STAC: variants seen among roughly 807,000 people sequenced by gnomAD.
The protein encoded by STAC is SH3 and cysteine-rich domain-containing protein.
STAC carries 43 observed loss-of-function variants against 48.8 expected under a neutral mutation model. The ratio of observed to expected loss-of-function variants is 0.88; its 90% CI spans 0.69 to 1.14. The LOEUF (loss-of-function observed/expected upper bound fraction) is 1.14, where lower values mean the gene tolerates loss of function less well. STAC is among the 50% of genes most tolerant of loss of function. STAC has a pLI of 0.00. For synonymous variants in STAC, 193 were observed against 179.5 expected (o/e 1.07, Z -0.60); for missense variants, 497 against 504.0 (o/e 0.99, Z 0.13).
intron 4 of STAC, 126 bp from the exon 5 acceptor site, chr3:36,486,008 C>A (rs1434670955): frequency 7.3e-6 from 5 of 681,146 alleles, no homozygotes; most frequent in East Asian, 5.3e-5. Flanking sequence ...GCCCTGTCTA[C>A]CCAGAGGCTA....
At chr3:36,529,948 C>A (rs905557107) in intron 10 of STAC, among the ~76,000 whole-genome samples, 1 of 152,118 alleles carries the variant, frequency 6.6e-6, no homozygotes, top group Non-Finnish European at 1.5e-5. Context: ...AATGAAACCC[C>A]ATCTCTACTA....
At chr3:36,404,503 C>T (rs566798720) in intron 1 of STAC, among the ~76,000 whole-genome samples, 1 of 152,250 alleles carries the variant, frequency 6.6e-6, no homozygotes, top group South Asian at 2.1e-4. Context: ...TCATATTATG[C>T]TCATGTATAT....
intron 1 of STAC, among the ~76,000 whole-genome samples, chr3:36,432,882 G>A (rs1452244180): frequency 2.6e-5 from 4 of 152,168 alleles, no homozygotes; most frequent in African/African-American, 7.2e-5. Context: ...GCCTCATAGG[G>A]TTAGCTTGAC....
At position 36,463,270 on chromosome 3, in the gene STAC, A is replaced by G. The variant is rs114541441; in HGVS notation, c.388+19630A>G. ...ATTCTTACAATTGTGTAGACAAGGT[A>G]CCTTTTGGCAGGGGTTCCTGAAATA... is the stretch of plus-strand genomic sequence containing the variant. On this transcript the variant is annotated intron_variant, in intron 2 of 10. Coordinates refer to ENST00000273183, the MANE Select transcript of STAC (RefSeq NM_003149.3). 7.5e-3 allele frequency among the ~76,000 whole-genome samples: 1,142 copies of G among 152,108 alleles called. 8 individuals carry two copies. Among genetic ancestry groups the G allele is most frequent in the Non-Finnish European group, 0.012 (814 of 67,978 alleles).
intron 1 of STAC, among the ~76,000 whole-genome samples, chr3:36,416,891 T>C (rs1296248049): frequency 6.6e-6 from 1 of 152,216 alleles, no homozygotes; most frequent in African/African-American, 2.4e-5. Flanking sequence ...AGAGCAGGCT[T>C]CCTCTGGTAC....
In STAC at chr3:36,436,498, C is replaced by T. The variant is rs1231750732; in HGVS notation, c.112-6866C>T. ...CCCCATCGTTCTTAACCAGACGCAC[C>T]GACCTCCCAGTGCTTCTCAGATACC... On this transcript the variant is annotated intron_variant, in intron 1 of 10. Coordinates refer to ENST00000273183, the MANE Select transcript of STAC (RefSeq NM_003149.3). 5.9e-5 allele frequency among the ~76,000 whole-genome samples: 9 copies of T among 152,278 alleles called. No homozygotes were observed. In the East Asian group the frequency reaches 7.7e-4, roughly 13 times the overall value.
At chr3:36,501,883 C>T (rs1227998624) in intron 6 of STAC, among the ~76,000 whole-genome samples, 2 of 152,254 alleles carry the variant, frequency 1.3e-5, no homozygotes, top group East Asian at 3.9e-4. Flanking sequence ...GCCAGTCTTT[C>T]TCTTGAATAC....
intron 10 of STAC, among the ~76,000 whole-genome samples, chr3:36,529,996 T>C (rs1559527234): frequency 1.3e-5 from 2 of 152,272 alleles, no homozygotes; most frequent in East Asian, 3.9e-4. Context: ...GGCACACATC[T>C]GTAATCCCAG....
At chr3:36,510,951 T>C (rs911038970) in intron 8 of STAC, among the ~76,000 whole-genome samples, 3 of 151,394 alleles carry the variant, frequency 2.0e-5, no homozygotes, top group Non-Finnish European at 4.4e-5. Flanking sequence ...GAACTTAAAG[T>C]ATAATTAAAA....
chr3:36,483,163 C>A, intron 3 of STAC, 71 bp downstream of exon 3: 1 of 1,208,006 alleles, frequency 8.3e-7, no homozygotes. Flanking sequence ...GTGAGATCAC[C>A]CCCTCCAAAA....
At chr3:36,488,631 C>G (rs1482952841) in intron 5 of STAC, among the ~76,000 whole-genome samples, 1 of 149,498 alleles carries the variant, frequency 6.7e-6, no homozygotes, top group Non-Finnish European at 1.5e-5. Flanking sequence ...TATTGCAAAT[C>G]AGCAGATTCA....
At chr3:36,536,459 A>C (rs1178647321) in intron 10 of STAC, among the ~76,000 whole-genome samples, 1 of 152,094 alleles carries the variant, frequency 6.6e-6, no homozygotes, top group Non-Finnish European at 1.5e-5. Flanking sequence ...ACAACCATCT[A>C]ATCTTTGACA....
chr3:36,500,381 T>G (rs533142386), intron 6 of STAC, among the ~76,000 whole-genome samples: 2 of 152,072 alleles, frequency 1.3e-5, no homozygotes, highest in Admixed American at 6.5e-5. Flanking sequence ...CACTTATAAG[T>G]AGGAGCTGAA....
At position 36,531,789 on chromosome 3, in the gene STAC, A is replaced by T. The variant is rs116937708; in HGVS notation, c.1110+2804A>T. ...AGAAACCCCTGGCACCTGTGGTGCA[A>T]TTAGATCTTCTGCCTTTGGAGAAGT... On this transcript the variant is annotated intron_variant, in intron 10 of 10. Transcript: ENST00000273183. Among the ~76,000 whole-genome samples, 16 of 152,306 alleles carry T rather than the reference A, an allele frequency of 1.1e-4. No homozygotes were observed. The East Asian group carries it at 3.1e-3, about 29-fold the overall frequency.
chr3:36,517,103 T>G lies in STAC; in HGVS notation c.920+11269T>G, dbSNP rs557159748. On this transcript the variant is annotated intron_variant, in intron 8 of 10. Transcript: ENST00000273183. ...GAGCTATAATATGAAATTTTATCAC[T>G]GATACCCAAGCTGTGATGCCATCAT... is the stretch of plus-strand genomic sequence containing the variant. Among the ~76,000 whole-genome samples, 10 of 152,300 alleles carry G rather than the reference T, an allele frequency of 6.6e-5. No individual in the cohort carries two copies. The South Asian group carries it at 2.1e-3, about 32-fold the overall frequency.
chr3:36,521,088 G>A (rs1380344407), intron 8 of STAC, among the ~76,000 whole-genome samples: 4 of 151,922 alleles, frequency 2.6e-5, no homozygotes, highest in Non-Finnish European at 5.9e-5. Context: ...TAAGATTAAT[G>A]GAGCCATTTG....
intron 8 of STAC, among the ~76,000 whole-genome samples, chr3:36,511,776 G>T (rs1011100576): frequency 6.6e-6 from 1 of 152,076 alleles, no homozygotes. Flanking sequence ...CCCACACATG[G>T]TCCACCACCT....
chr3:36,433,299 T>G (rs1451383499), intron 1 of STAC, among the ~76,000 whole-genome samples: 4 of 152,078 alleles, frequency 2.6e-5, no homozygotes, highest in African/African-American at 9.7e-5. Context: ...GTGCATGGGG[T>G]GCAGGAGGGG....
chr3:36,490,994 G>C (rs940324408), intron 5 of STAC, among the ~76,000 whole-genome samples: 1 of 152,070 alleles, frequency 6.6e-6, no homozygotes, highest in African/African-American at 2.4e-5. Flanking sequence ...GCTGCAGGGA[G>C]ACAAAGACAA....
Sources: gnomAD v4.1 joint callset for allele counts (sites outside exome capture counted in the v4.1 genomes callset) on GRCh38, gnomAD v4.1.1 for gene constraint, MANE v1.5 for transcripts, NCBI Gene and HGNC (gene_info 2026-07-23, HGNC 2026-07-21) for gene names.